Variants in INSYN2B observed in about 807,000 individuals in gnomAD.
The protein encoded by INSYN2B is inhibitory synaptic factor family member 2B.
In INSYN2B, 16 loss-of-function variants were observed where a neutral mutation model predicts 41.2. The observed-to-expected ratio is 0.39, with a 90% CI of 0.26 to 0.59. The LOEUF (loss-of-function observed/expected upper bound fraction) is 0.59, where lower values mean the gene tolerates loss of function less well. Among genes scored for constraint, INSYN2B ranks in the 20% least tolerant of loss-of-function variants. The pLI is 0.57. For synonymous variants in INSYN2B, 245 were observed against 244.4 expected, an observed-to-expected ratio of 1.00 and a Z score of -0.02; for missense variants, 608 against 646.4, an observed-to-expected ratio of 0.94 and a Z score of 0.64.
At chr5:169,898,678 G>A (rs2113569227) in intron 1 of INSYN2B, among the ~76,000 whole-genome samples, 1 of 152,024 alleles carries the variant, frequency 6.6e-6, no homozygotes, top group Admixed American at 6.5e-5. Flanking sequence ...GGGTTAGACA[G>A]TAAATATTTG....
At position 169,884,199 on chromosome 5, in the gene INSYN2B, T is replaced by C. The variant is rs1165090167; in HGVS notation, c.-301A>G. ...TAAACATCTGATCTACCAAGAGAGCTGGTAGGCGGTTTATCAAGGGAGGCT... is the reference window on the plus strand; with the variant it reads ...TAAACATCTGATCTACCAAGAGAGCCGGTAGGCGGTTTATCAAGGGAGGCT... On this transcript the variant is annotated 5_prime_UTR_variant, in exon 2 of 4. Coordinates refer to ENST00000377365, the MANE Select transcript of INSYN2B (RefSeq NM_001129891.3). 8.7e-6 allele frequency: 2 copies of C among 230,800 alleles called. No individual in the cohort carries two copies. Among genetic ancestry groups the C allele is most frequent in the African/African-American group, 4.5e-5 (2 of 44,432 alleles). 14.3% of individuals were successfully genotyped at this position (230,800 alleles called of 1,614,324 possible). A position where few individuals can be genotyped will look rare whatever the true frequency, so the allele number is the denominator to read the frequency against.
At chr5:169,875,085 C>G (rs920648230) in intron 3 of INSYN2B, 4 of 407,508 alleles carry the variant, frequency 9.8e-6, no homozygotes, top group Non-Finnish European at 2.0e-5. Context: ...AAGCTACTCT[C>G]TGGGCTATTT....
In INSYN2B at chr5:169,883,575, T is replaced by C; in HGVS notation, c.324A>G (p.Pro108=). The change falls in exon 2 of 4, where the codon CCA becomes CCG. Residue 108 remains proline, a synonymous_variant. Transcript: ENST00000377365. ...QTSPSLRKHF[P]VFKRKRLTAS... ...CTGTGAGTCTCTTCCTTTTGAAAAC[T>C]GGGAAATGCTTCCTGAGACTGGGGG... 6.4e-7 allele frequency: 1 copy of C among 1,551,648 alleles called. No homozygotes were observed. The highest frequency in any genetic ancestry group is 8.7e-7 in the Non-Finnish European group (1 of 1,146,962).
At chr5:169,972,536 G>A (rs1051879422) in intron 1 of INSYN2B, among the ~76,000 whole-genome samples, 2 of 139,018 alleles carry the variant, frequency 1.4e-5, no homozygotes, top group Non-Finnish European at 3.1e-5. Context: ...AAGAGCCACT[G>A]TGAGACAGAT....
At chr5:169,972,586 TG>T (rs1777556058) in intron 1 of INSYN2B, among the ~76,000 whole-genome samples, 1 of 68,956 alleles carries the variant, frequency 1.5e-5, no homozygotes, top group African/African-American at 7.0e-5. Flanking sequence ...GATAGATAGA[TG>T]ATAGATAGAT....
At chr5:169,888,736 G>T (rs868743840) in intron 1 of INSYN2B, among the ~76,000 whole-genome samples, 5 of 152,200 alleles carry the variant, frequency 3.3e-5, no homozygotes, top group Non-Finnish European at 7.3e-5. Context: ...CGCCTAAACT[G>T]GTTGTGAGAA....
intron 1 of INSYN2B, among the ~76,000 whole-genome samples, chr5:169,950,301 C>A (rs1025425728): frequency 2.6e-5 from 4 of 152,204 alleles, no homozygotes; most frequent in African/African-American, 9.7e-5. Context: ...AGCAGACCTT[C>A]CTCATAGGGT....
intron 1 of INSYN2B, among the ~76,000 whole-genome samples, chr5:169,947,019 C>T (rs936831995): frequency 2.6e-5 from 4 of 152,184 alleles, no homozygotes; most frequent in Admixed American, 6.5e-5. Context: ...TATACCCATG[C>T]TGGAGTGAGT....
chr5:169,888,234 G>T (rs1773087206), intron 1 of INSYN2B, among the ~76,000 whole-genome samples: 1 of 152,162 alleles, frequency 6.6e-6, no homozygotes, highest in Admixed American at 6.6e-5. Context: ...CTGGCTAAAA[G>T]CACCCTCTGG....
chr5:169,930,060 A>G (rs1775672112), intron 1 of INSYN2B, among the ~76,000 whole-genome samples: 1 of 152,138 alleles, frequency 6.6e-6, no homozygotes, highest in South Asian at 2.1e-4. Context: ...GCACGATCTC[A>G]GCTCACTGCA....
chr5:169,950,958 G>A (rs1341474404), intron 1 of INSYN2B, among the ~76,000 whole-genome samples: 1 of 152,198 alleles, frequency 6.6e-6, no homozygotes, highest in Admixed American at 6.5e-5. Context: ...TGAATTTGAT[G>A]AGACTATATA....
chr5:169,934,680 T>C (rs1039511604), intron 1 of INSYN2B: 29 of 456,138 alleles, frequency 6.4e-5, no homozygotes, highest in Non-Finnish European at 1.2e-4. Flanking sequence ...ACTGAACCGA[T>C]TGGGTGCTAC....
intron 3 of INSYN2B, among the ~76,000 whole-genome samples, chr5:169,869,265 C>T (rs1489090678): frequency 6.6e-6 from 1 of 152,170 alleles, no homozygotes; most frequent in Non-Finnish European, 1.5e-5. Context: ...GGAAACACAG[C>T]AGGGTTTCAT....
chr5:169,971,667 A>G (rs554167834), intron 1 of INSYN2B, among the ~76,000 whole-genome samples: 5 of 152,306 alleles, frequency 3.3e-5, no homozygotes, highest in South Asian at 4.1e-4. Context: ...AATGAAGAGC[A>G]AGGACTTTGG....
At chr5:169,945,278 C>T (rs138344243) in intron 1 of INSYN2B, among the ~76,000 whole-genome samples, 42 of 152,358 alleles carry the variant, frequency 2.8e-4, no homozygotes, top group East Asian at 1.5e-3. Context: ...ACCATACTAA[C>T]GCCTTAGCAG....
At chr5:169,875,877 A>C (rs1403794449) in intron 3 of INSYN2B, 2 of 152,430 alleles carry the variant, frequency 1.3e-5, no homozygotes, top group Non-Finnish European at 2.9e-5. Context: ...AATTATGAGG[A>C]TTTATTCTGA....
rs373092434 is a variant in INSYN2B, at chr5:169,882,855, C to G, written c.1044G>C (p.Ser348=). The change falls in exon 2 of 4, where the codon TCG becomes TCC. Residue 348 remains serine (S), a synonymous_variant. Transcript: ENST00000377365. ...GCTCCTGACACCCAGGGGCAGATTTCGATGCACTGTTAGTTTTGAGTGACA... is the reference window on the plus strand; with the variant it reads ...GCTCCTGACACCCAGGGGCAGATTTGGATGCACTGTTAGTTTTGAGTGACA... ...NLVSLKTNSA[S]KSAPGCQEQT... 4.5e-6 allele frequency: 7 copies of G among 1,551,006 alleles called. No homozygotes were observed. Among genetic ancestry groups the G allele is most frequent in the Non-Finnish European group, 5.2e-6 (6 of 1,146,448 alleles).
chr5:169,865,904 G>A (rs952285970), intron 3 of INSYN2B, among the ~76,000 whole-genome samples: 1 of 152,228 alleles, frequency 6.6e-6, no homozygotes, highest in Non-Finnish European at 1.5e-5. Flanking sequence ...CACCTCCCAG[G>A]GCCGGGGACC....
chr5:169,952,803 G>A (rs752198577), intron 1 of INSYN2B, among the ~76,000 whole-genome samples: 6 of 152,148 alleles, frequency 3.9e-5, no homozygotes, highest in Non-Finnish European at 7.3e-5. Flanking sequence ...GCCACATGGA[G>A]AGTGAAGCCA....
Sources: gnomAD v4.1 joint callset for allele counts (sites outside exome capture counted in the v4.1 genomes callset) on GRCh38, gnomAD v4.1.1 for gene constraint, MANE v1.5 for transcripts, NCBI Gene and HGNC (gene_info 2026-07-23, HGNC 2026-07-21) for gene names.